Variants in NCBP1 observed in about 807,000 individuals in gnomAD.
NCBP1 encodes nuclear cap binding protein subunit 1.
A neutral mutation model predicts 111.7 loss-of-function variants in NCBP1; 16 were observed. That is an observed-to-expected ratio of 0.14 (90% CI 0.10 to 0.22). The LOEUF is 0.22. Among genes scored for constraint, NCBP1 ranks in the 10% least tolerant of loss-of-function variants. NCBP1 has a pLI of 1.00. For synonymous variants in NCBP1, 304 were observed against 314.3 expected, an observed-to-expected ratio of 0.97 and a Z score of 0.35; for missense variants, 607 against 957.5, an observed-to-expected ratio of 0.63 and a Z score of 4.83.
At chr9:97,648,388 C>A (rs1326480491) in intron 8 of NCBP1, among the ~76,000 whole-genome samples, 165 bp downstream of exon 8, 2 of 152,100 alleles carry the variant, frequency 1.3e-5, no homozygotes, top group Non-Finnish European at 2.9e-5. Flanking sequence ...ATGATATCAC[C>A]TCATTATGCA....
chr9:97,656,182 C>A lies in NCBP1; in HGVS notation c.1373+97C>A. On this transcript the variant is annotated intron_variant, in intron 14 of 22. Coordinates refer to ENST00000375147, the MANE Select transcript of NCBP1 (RefSeq NM_002486.5). ...GTGTTCAGAATATTGGATTCAAAAT[C>A]CACTTACTCATCTTCCATCCCATTT... The A allele has an allele frequency of 4.0e-6, 4 of 1,005,728 alleles. No individual in the cohort carries two copies. The East Asian group carries it at 7.6e-5, about 19-fold the overall frequency. 62.3% of individuals were successfully genotyped at this position (1,005,728 alleles called of 1,614,324 possible).
intron 20 of NCBP1, 50 bp from the exon 21 acceptor site, chr9:97,668,796 C>T (rs768164810): frequency 1.6e-5 from 25 of 1,583,886 alleles, no homozygotes; most frequent in Non-Finnish European, 2.1e-5. Flanking sequence ...GGAGATTTAA[C>T]ACACTGGAAT....
Position 97,645,206 on chromosome 9 carries a change from G to C in NCBP1, c.471G>C (p.Gln157His). Residue 157 changes from glutamine to histidine, a missense_variant, in exon 5 of 23, where the codon CAG becomes CAC. Physicochemically the swap from Gln to His is conservative, Grantham distance 24. Coordinates refer to ENST00000375147, the MANE Select transcript of NCBP1 (RefSeq NM_002486.5). ...TTGAAAATTTTGTAAGCGTAACTCA[G>C]GAAGAAGATGTACCTCAGGTAAGAG... Reference protein sequence around the residue: ...AMFENFVSVTQEEDVPQVRRD... With the variant: ...AMFENFVSVTHEEDVPQVRRD... 6.2e-7 allele frequency: 1 copy of C among 1,612,544 alleles called. No individual in the cohort carries two copies. Among genetic ancestry groups the C allele is most frequent in the Non-Finnish European group, 8.5e-7 (1 of 1,178,798 alleles).
intron 16 of NCBP1, among the ~76,000 whole-genome samples, chr9:97,661,793 A>AT (rs201444041): frequency 0.24 from 29,840 of 126,090 alleles, 6,141 homozygotes; most frequent in African/African-American, 0.57. Context: ...AACCTGTGTG[A>AT]TTTTTTTTTT....
intron 16 of NCBP1, among the ~76,000 whole-genome samples, chr9:97,661,631 T>A (rs73498377): frequency 6.6e-6 from 1 of 152,010 alleles, no homozygotes; most frequent in Non-Finnish European, 1.5e-5. Context: ...CTCTAAGAAA[T>A]TTGTATTATG....
intron 3 of NCBP1, among the ~76,000 whole-genome samples, chr9:97,642,006 G>A (rs1311055062): frequency 1.3e-5 from 2 of 151,970 alleles, no homozygotes; most frequent in Admixed American, 6.6e-5. Context: ...GACAAATTTG[G>A]GAATTGGTAA....
intron 4 of NCBP1, among the ~76,000 whole-genome samples, chr9:97,643,952 G>A (rs906025164): frequency 1.3e-5 from 2 of 152,076 alleles, no homozygotes; most frequent in Non-Finnish European, 2.9e-5. Context: ...GCACATGTTG[G>A]TTACTGGTTA....
chr9:97,636,014 C>CT (rs1294663054), intron 1 of NCBP1: 3 of 152,224 alleles, frequency 2.0e-5, no homozygotes, highest in Admixed American at 2.0e-4. Flanking sequence ...AGCCAAATCA[C>CT]TGTCCATTTG....
chr9:97,639,304 A>G (rs907578024), intron 1 of NCBP1, among the ~76,000 whole-genome samples: 1 of 152,110 alleles, frequency 6.6e-6, no homozygotes, highest in African/African-American at 2.4e-5. Flanking sequence ...CTCAGATCCT[A>G]TGTGGATAGT....
Position 97,669,574 on chromosome 9 carries a change from ACTT to A in NCBP1, c.2146-13_2146-11del, listed in dbSNP as rs773124503. ...AGATTCTGTCTGTAGTACTACCTTA[ACTT>A]CTTCTCCCTTTCCAGCGGTTTATCA... On this transcript the variant is annotated splice_polypyrimidine_tract_variant and intron_variant, in intron 21 of 22. Transcript: ENST00000375147. 46 of 1,544,280 alleles carry A rather than the reference ACTT, an allele frequency of 3.0e-5. No individual in the cohort carries two copies. The highest frequency in any genetic ancestry group is 1.6e-4 in the East Asian group (7 of 44,524).
Position 97,669,573 on chromosome 9 carries a change from A to G in NCBP1, c.2146-20A>G. The G allele has an allele frequency of 6.5e-7, 1 of 1,535,460 alleles. No individual in the cohort carries two copies. The highest frequency in any genetic ancestry group is 2.2e-5 in the East Asian group (1 of 44,476). On this transcript the variant is annotated intron_variant, in intron 21 of 22. Coordinates refer to ENST00000375147, the MANE Select transcript of NCBP1 (RefSeq NM_002486.5). Reference sequence around the variant, plus strand: ...AAGATTCTGTCTGTAGTACTACCTTAACTTCTTCTCCCTTTCCAGCGGTTT... The same window carrying G: ...AAGATTCTGTCTGTAGTACTACCTTGACTTCTTCTCCCTTTCCAGCGGTTT...
At chr9:97,648,722 T>A (rs1469915226) in intron 8 of NCBP1, among the ~76,000 whole-genome samples, 1 of 152,208 alleles carries the variant, frequency 6.6e-6, no homozygotes. Context: ...TTCTTTCTTA[T>A]TTTTTTCTTT....
chr9:97,640,787 G>T lies in NCBP1; in HGVS notation c.35-7G>T. 1 of 1,596,060 alleles carries T rather than the reference G, an allele frequency of 6.3e-7. No homozygotes were observed. Among genetic ancestry groups the T allele is most frequent in the South Asian group, 1.1e-5 (1 of 87,710 alleles). ...TGTAATGTTAATTTTTTATGTTGCTGAAATAGGTGGGCAGCCTCACAAAAG... is the reference window on the plus strand; with the variant it reads ...TGTAATGTTAATTTTTTATGTTGCTTAAATAGGTGGGCAGCCTCACAAAAG... On this transcript the variant is annotated splice_region_variant and splice_polypyrimidine_tract_variant and intron_variant, in intron 1 of 22. Coordinates refer to ENST00000375147, the MANE Select transcript of NCBP1 (RefSeq NM_002486.5).
intron 18 of NCBP1, 48 bp downstream of exon 18, chr9:97,663,095 T>C (rs1024393365): frequency 7.2e-7 from 1 of 1,384,668 alleles, no homozygotes; most frequent in Non-Finnish European, 1.0e-6. Context: ...TGTATGGGTA[T>C]AAAAATAAGG....
At chr9:97,647,383 A>G in intron 6 of NCBP1, 109 bp from the exon 7 acceptor site, 1 of 770,990 alleles carries the variant, frequency 1.3e-6, no homozygotes, top group Non-Finnish European at 2.2e-6. Flanking sequence ...CCACTCCAGT[A>G]GGTAAAATGT....
At position 97,647,779 on chromosome 9, in the gene NCBP1, G is replaced by C. The variant is rs1313500247; in HGVS notation, c.681+218G>C. Among the ~76,000 whole-genome samples, 3 of 152,184 alleles carry C rather than the reference G, an allele frequency of 2.0e-5. No individual in the cohort carries two copies. In the South Asian group the frequency reaches 6.2e-4, roughly 31 times the overall value. On this transcript the variant is annotated intron_variant, in intron 7 of 22. Coordinates refer to ENST00000375147, the MANE Select transcript of NCBP1 (RefSeq NM_002486.5). ...GTTCTTTGGAATGCCAGCTATTACA[G>C]AGTTGACATATATTTATTTAAATGC...
At chr9:97,649,737 T>C (rs1827446795) in intron 8 of NCBP1, among the ~76,000 whole-genome samples, 2 of 88,522 alleles carry the variant, frequency 2.3e-5, no homozygotes, top group Admixed American at 2.3e-4. Context: ...TGTGGTCGGG[T>C]ATTTTTTTTT....
Position 97,643,365 on chromosome 9 carries a change from G to A in NCBP1, c.381+5G>A. The A allele has an allele frequency of 6.3e-7, 1 of 1,586,810 alleles. No homozygotes were observed. On this transcript the variant is annotated splice_donor_5th_base_variant and intron_variant, in intron 4 of 22. Transcript: ENST00000375147. The stretch of plus-strand genomic sequence containing the variant: ...TATAATGAAGCCGTGTATTTGGTAA[G>A]TTAGTTTGTTTGTTGGTATGTTATG...
At chr9:97,657,928 T>TATA (rs1827716061) in intron 14 of NCBP1, among the ~76,000 whole-genome samples, 2 of 63,224 alleles carry the variant, frequency 3.2e-5, no homozygotes, top group African/African-American at 5.5e-5. Flanking sequence ...ATATATATAT[T>TATA]TTTTTTTTTT....
Sources: gnomAD v4.1 joint callset for allele counts (sites outside exome capture counted in the v4.1 genomes callset) on GRCh38, gnomAD v4.1.1 for gene constraint, MANE v1.5 for transcripts, NCBI Gene and HGNC (gene_info 2026-07-23, HGNC 2026-07-21) for gene names.